PTK2: variants seen among roughly 807,000 people sequenced by gnomAD.
PTK2 encodes the protein protein tyrosine kinase 2.
Under a neutral mutation model 150.1 loss-of-function variants are expected in PTK2, and 45 were observed. The ratio of observed to expected loss-of-function variants is 0.30; its 90% CI spans 0.24 to 0.38. The LOEUF (loss-of-function observed/expected upper bound fraction) is 0.38. PTK2 is among the 10% of genes least tolerant of loss of function. The pLI is 1.00. For synonymous variants in PTK2, 432 were observed against 449.2 expected (o/e 0.96, Z 0.48); for missense variants, 919 against 1,307.3 (o/e 0.70, Z 4.58).
At position 140,988,044 on chromosome 8, in the gene PTK2, CAA is replaced by C. The variant is rs71310813; in HGVS notation, c.-122+13079_-122+13080del. ...TGGACAACAGAGTGAGACCCTGTCT[CAA>C]AAAAAAAAAAAAAAAAAGTTAAACA... On this transcript the variant is annotated intron_variant, in intron 1 of 31. Transcript: ENST00000522684. 8.4e-3 allele frequency among the ~76,000 whole-genome samples: 847 copies of C among 101,420 alleles called. 3 individuals are homozygous for C. The highest frequency in any genetic ancestry group is 9.0e-3 in the Non-Finnish European group (473 of 52,696). The allele number at this position is 101,420 out of a possible 152,430, so 66.5% of individuals were successfully genotyped here.
rs1232729474 is a variant in PTK2 at position 140,846,221 on chromosome 8, T to A, written c.593+39A>T. ...TTAAAATAAACTAAGAATTTAGTTC[T>A]GCATATTTGCAGGTATAGATTGTAA... On this transcript the variant is annotated intron_variant, in intron 7 of 31. Transcript: ENST00000522684. 4 of 1,472,282 alleles carry A rather than the reference T, an allele frequency of 2.7e-6. No homozygotes were observed. The South Asian group carries it at 5.0e-5, about 19-fold the overall frequency. The allele number at this position is 1,472,282 out of a possible 1,614,324, so 91.2% of individuals were successfully genotyped here.
chr8:140,730,032 A>G (rs1048556703), intron 22 of PTK2, among the ~76,000 whole-genome samples: 1 of 152,244 alleles, frequency 6.6e-6, no homozygotes, highest in African/African-American at 2.4e-5. Context: ...TTTCAATGTT[A>G]TAACTAGAAG....
intron 12 of PTK2, among the ~76,000 whole-genome samples, chr8:140,794,781 G>A (rs2100090654): frequency 6.6e-6 from 1 of 152,056 alleles, no homozygotes. Flanking sequence ...CACTTCCTTG[G>A]TAACCTCATA....
At chr8:140,984,863 C>A (rs1009644513) in intron 1 of PTK2, among the ~76,000 whole-genome samples, 1 of 152,094 alleles carries the variant, frequency 6.6e-6, no homozygotes, top group African/African-American at 2.4e-5. Flanking sequence ...CACTCAACAT[C>A]CCCCGAGTTC....
At chr8:140,791,823 C>T (rs2100088637) in intron 13 of PTK2, among the ~76,000 whole-genome samples, 1 of 151,732 alleles carries the variant, frequency 6.6e-6, no homozygotes, top group African/African-American at 2.4e-5. Context: ...GATGTTTGCT[C>T]CTGGAATTGA....
At chr8:140,816,534 G>GA (rs1456838046) in intron 10 of PTK2, among the ~76,000 whole-genome samples, 5 of 152,170 alleles carry the variant, frequency 3.3e-5, no homozygotes, top group African/African-American at 7.2e-5. Context: ...GAGATTTGGG[G>GA]AAAAAAATCA....
At chr8:140,683,061 G>C (rs186661181) in intron 27 of PTK2, among the ~76,000 whole-genome samples, 117 of 151,952 alleles carry the variant, frequency 7.7e-4, no homozygotes, top group African/African-American at 2.1e-3. Flanking sequence ...AATGAAACCA[G>C]AAATTGGTTA....
chr8:140,925,802 G>T, intron 1 of PTK2, 53 bp from the exon 2 acceptor site: 1 of 235,912 alleles, frequency 4.2e-6, no homozygotes, highest in Non-Finnish European at 6.9e-6. Flanking sequence ...TTCTTCATCA[G>T]CAAAATGAGG....
At chr8:140,891,807 G>A (rs1019080548) in intron 2 of PTK2, among the ~76,000 whole-genome samples, 1 of 152,198 alleles carries the variant, frequency 6.6e-6, no homozygotes, top group African/African-American at 2.4e-5. Context: ...AAGACTTCAG[G>A]AATAAACCAG....
chr8:140,789,585 G>A (rs2100087237), intron 13 of PTK2, 59 bp from the exon 14 acceptor site: 13 of 1,549,330 alleles, frequency 8.4e-6, no homozygotes, highest in East Asian at 4.7e-5. Flanking sequence ...CCCGCAACTC[G>A]GCCTCATCAA....
At chr8:140,706,078 T>A in intron 24 of PTK2, 41 bp downstream of exon 27, 1 of 1,496,618 alleles carries the variant, frequency 6.7e-7, no homozygotes, top group South Asian at 1.1e-5. Flanking sequence ...AAGCGCTAAA[T>A]AATAAAATAA....
chr8:140,857,816 C>G (rs945476871), intron 5 of PTK2, among the ~76,000 whole-genome samples: 1 of 152,112 alleles, frequency 6.6e-6, no homozygotes, highest in African/African-American at 2.4e-5. Flanking sequence ...CAAACAAATA[C>G]AAACCTTTAG....
At chr8:140,878,409 G>A (rs2100146947) in intron 4 of PTK2, among the ~76,000 whole-genome samples, 1 of 152,086 alleles carries the variant, frequency 6.6e-6, no homozygotes, top group Middle Eastern at 3.2e-3. Flanking sequence ...AGATCTGTCT[G>A]GGCAACATGC....
intron 2 of PTK2, among the ~76,000 whole-genome samples, chr8:140,894,803 G>A (rs2100155495): frequency 6.6e-6 from 1 of 152,210 alleles, no homozygotes; most frequent in South Asian, 2.1e-4. Context: ...GGAGGATGTG[G>A]TGTGGGGTGG....
chr8:140,660,601 C>T, intron 31 of PTK2: 1 of 455,084 alleles, frequency 2.2e-6, no homozygotes, highest in Non-Finnish European at 4.4e-6. Context: ...TGGTGTGCAC[C>T]TGTATTCCAA....
chr8:140,679,587 C>A (rs1406588834), intron 27 of PTK2, among the ~76,000 whole-genome samples: 2 of 152,120 alleles, frequency 1.3e-5, no homozygotes, highest in Non-Finnish European at 2.9e-5. Context: ...GGAAAAGCTG[C>A]AGAGCTGTTA....
At chr8:140,797,599 C>T (rs898104854) in intron 12 of PTK2, among the ~76,000 whole-genome samples, 4 of 152,132 alleles carry the variant, frequency 2.6e-5, no homozygotes, top group African/African-American at 9.7e-5. Flanking sequence ...GTAATTACAA[C>T]TCTATATTAC....
intron 26 of PTK2, among the ~76,000 whole-genome samples, chr8:140,697,605 G>A (rs2100027532): frequency 6.6e-6 from 1 of 152,044 alleles, no homozygotes; most frequent in African/African-American, 2.4e-5. Context: ...TTGTATTTCA[G>A]TACAGATGGG....
chr8:140,845,400 G>C (rs2154604198), intron 7 of PTK2, among the ~76,000 whole-genome samples: 1 of 152,016 alleles, frequency 6.6e-6, no homozygotes, highest in South Asian at 2.1e-4. Context: ...CTGTGCCTTT[G>C]CAAATGCTGA....
Sources: allele counts gnomAD v4.1 joint callset (sites outside exome capture counted in the v4.1 genomes callset), GRCh38; gene constraint gnomAD v4.1.1; transcripts MANE v1.5; gene names NCBI Gene and HGNC (gene_info 2026-07-23, HGNC 2026-07-21).